The following EXTL3 variants were observed in gnomAD, a reference collection of about 807,000 sequenced individuals.
EXTL3 encodes exostosin-like 3.
In EXTL3, 27 loss-of-function variants were observed where a neutral mutation model predicts 69.3. That is an observed-to-expected ratio of 0.39 (90% CI 0.29 to 0.54). The LOEUF (loss-of-function observed/expected upper bound fraction) is 0.54. Ranked by LOEUF, EXTL3 falls within the 20% of genes least tolerant of loss-of-function variation. EXTL3 has a pLI of 0.69. For missense variants in EXTL3, 1,003 were observed against 1,231.8 expected (o/e 0.81, Z 2.78); for synonymous variants, 511 against 499.4 (o/e 1.02, Z -0.31).
chr8:28,661,951 TAAAC>T (rs1346181507), intron 1 of EXTL3, among the ~76,000 whole-genome samples: 1 of 150,798 alleles, frequency 6.6e-6, no homozygotes, highest in African/African-American at 2.4e-5. Context: ...ACATATTACA[TAAAC>T]AATATTAAAT....
chr8:28,749,531 C>T (rs922069736), intron 6 of EXTL3, among the ~76,000 whole-genome samples: 5 of 152,304 alleles, frequency 3.3e-5, no homozygotes, highest in East Asian at 3.9e-4. Flanking sequence ...GCCCCCAGCC[C>T]GCTTTGCAGG....
chr8:28,705,482 C>G (rs937262777), intron 1 of EXTL3, among the ~76,000 whole-genome samples: 1 of 150,598 alleles, frequency 6.6e-6, no homozygotes, highest in African/African-American at 2.5e-5. Flanking sequence ...CTTTGGGAGG[C>G]GGAGGTGAGA....
intron 1 of EXTL3, among the ~76,000 whole-genome samples, chr8:28,655,330 C>G (rs1563437440): frequency 6.6e-6 from 1 of 152,008 alleles, no homozygotes; most frequent in African/African-American, 2.4e-5. Context: ...ATTATTATGC[C>G]TATTTTATAA....
At chr8:28,671,431 C>A (rs1392526578) in intron 1 of EXTL3, among the ~76,000 whole-genome samples, 1 of 151,588 alleles carries the variant, frequency 6.6e-6, no homozygotes, top group Non-Finnish European at 1.5e-5. Context: ...CCTCTGCCTC[C>A]TGAGTTCAAG....
At chr8:28,732,484 A>G (rs1801558017) in intron 4 of EXTL3, among the ~76,000 whole-genome samples, 1 of 152,176 alleles carries the variant, frequency 6.6e-6, no homozygotes, top group South Asian at 2.1e-4. Flanking sequence ...AAACATCACC[A>G]TGGTTAATTT....
intron 1 of EXTL3, among the ~76,000 whole-genome samples, chr8:28,705,515 T>C (rs1800902800): frequency 6.6e-6 from 1 of 151,362 alleles, no homozygotes; most frequent in Non-Finnish European, 1.5e-5. Context: ...GTCCAGGAGT[T>C]CAAGACCAGC....
chr8:28,755,895 T>A (rs1802113845), downstream of EXTL3, among the ~76,000 whole-genome samples: 1 of 152,192 alleles, frequency 6.6e-6, no homozygotes, highest in Non-Finnish European at 1.5e-5. Context: ...CATAAATGTC[T>A]ATGTCATTTT....
At chr8:28,614,037 C>A (rs947429614) in intron 2 of EXTL3, among the ~76,000 whole-genome samples, 1 of 151,624 alleles carries the variant, frequency 6.6e-6, no homozygotes, top group South Asian at 2.1e-4. Flanking sequence ...ACGTCATGAG[C>A]CCAGGCTGGT....
chr8:28,748,225 G>C lies in EXTL3; in HGVS notation c.2551-2432G>C, dbSNP rs1013700242. Among the ~76,000 whole-genome samples the C allele has an allele frequency of 1.1e-4, 17 of 152,020 alleles. No homozygotes were observed. The East Asian group carries it at 2.3e-3, about 21-fold the overall frequency. On this transcript the variant is annotated intron_variant, in intron 6 of 6. Coordinates refer to ENST00000220562, the MANE Select transcript of EXTL3 (RefSeq NM_001440.4). ...TCTCTACTAAAAATACAAAAAATTA[G>C]CCAGGTGTGGTGGCAGGCGCCTGTA... is the stretch of plus-strand genomic sequence containing the variant.
intron 1 of EXTL3, among the ~76,000 whole-genome samples, chr8:28,658,464 C>A (rs1001400612): frequency 2.6e-5 from 4 of 152,096 alleles, no homozygotes; most frequent in Admixed American, 2.6e-4. Flanking sequence ...ATTCTATATT[C>A]TTTTTTTCCC....
At chr8:28,647,533 A>G (rs1010278041) in intron 1 of EXTL3, among the ~76,000 whole-genome samples, 3 of 152,116 alleles carry the variant, frequency 2.0e-5, no homozygotes, top group African/African-American at 7.2e-5. Flanking sequence ...CAGAGAGGTT[A>G]TGTTAAGTTC....
Position 28,743,203 on chromosome 8 carries a change from C to G in EXTL3, c.2539C>G (p.Pro847Ala). 1 of 1,614,176 alleles carries G rather than the reference C, an allele frequency of 6.2e-7. No individual in the cohort carries two copies. Among genetic ancestry groups the G allele is most frequent in the African/African-American group, 1.3e-5 (1 of 75,066 alleles). Residue 847 changes from proline to alanine, a missense_variant, in exon 6 of 7, where the codon CCC (proline) becomes GCC (alanine). Around this residue, in one of 2 missense-constraint regions of EXTL3, gnomAD observed 261 missense variants for 416.4 expected, o/e 0.63. Coordinates refer to ENST00000220562, the MANE Select transcript of EXTL3 (RefSeq NM_001440.4). ...NFLVSHITRK[P>A]PIKVTSRWTF... is the part of the protein sequence containing the mutation. ...CCTTGTCTCCCACATCACTCGGAAGCCCCCCATCAAGGTGAGGTCCCACCA... is the reference window on the plus strand; with the variant it reads ...CCTTGTCTCCCACATCACTCGGAAGGCCCCCATCAAGGTGAGGTCCCACCA...
intron 4 of EXTL3, among the ~76,000 whole-genome samples, chr8:28,733,810 A>T (rs1221052092): frequency 1.4e-5 from 2 of 143,212 alleles, no homozygotes; most frequent in Admixed American, 6.9e-5. Flanking sequence ...TTTTGTTTGG[A>T]TTGTCGTCTT....
At chr8:28,612,536 C>T (rs758082836) in intron 2 of EXTL3, among the ~76,000 whole-genome samples, 8 of 151,740 alleles carry the variant, frequency 5.3e-5, no homozygotes, top group Non-Finnish European at 1.2e-4. Flanking sequence ...TCAACTCTCC[C>T]AGTATGCTTG....
chr8:28,731,421 A>G (rs1244740781), intron 4 of EXTL3, 71 bp downstream of exon 4: 32 of 1,574,098 alleles, frequency 2.0e-5, no homozygotes, highest in Non-Finnish European at 2.7e-5. Context: ...CTGCAAAATG[A>G]ATTTTTTGGC....
At position 28,742,897 on chromosome 8, in the gene EXTL3, A is replaced by G. The variant is rs113384268; in HGVS notation, c.2422-189A>G. On this transcript the variant is annotated intron_variant, in intron 5 of 6. Transcript: ENST00000220562. Reference sequence around the variant, plus strand: ...GGGTGATGATGGCAGTTTGAATGGGATAATTCCTCACTGCAGAAGATCCAC... The same window carrying G: ...GGGTGATGATGGCAGTTTGAATGGGGTAATTCCTCACTGCAGAAGATCCAC... 677 of 667,498 alleles carry G rather than the reference A, an allele frequency of 1.0e-3. 6 individuals carry two copies. The African/African-American group carries it at 0.011, about 11-fold the overall frequency. 41.3% of individuals were successfully genotyped at this position (667,498 alleles called of 1,614,324 possible).
At chr8:28,736,957 C>T (rs973884737) in intron 4 of EXTL3, among the ~76,000 whole-genome samples, 3 of 152,140 alleles carry the variant, frequency 2.0e-5, no homozygotes, top group African/African-American at 4.8e-5. Context: ...TGTGCTCCAC[C>T]ATACCCAGCT....
chr8:28,752,406 A>G lies in EXTL3; in HGVS notation c.*1540A>G, dbSNP rs757310592. The G allele has an allele frequency of 6.6e-6, 1 of 152,642 alleles. No individual in the cohort carries two copies. The highest frequency in any genetic ancestry group is 1.9e-4 in the East Asian group (1 of 5,198). 9.5% of individuals were successfully genotyped at this position (152,642 alleles called of 1,614,324 possible). ...GCTCAGGTTTGTCCTGGTCATGCAC[A>G]TGCCTTAAGCCAGTTCCGTCTTCCC... On this transcript the variant is annotated 3_prime_UTR_variant, in exon 7 of 7. Transcript: ENST00000220562.
intron 3 of EXTL3, among the ~76,000 whole-genome samples, chr8:28,726,635 G>A (rs1302829189): frequency 6.6e-6 from 1 of 152,052 alleles, no homozygotes; most frequent in Non-Finnish European, 1.5e-5. Context: ...GGATCTGGCA[G>A]CATCCCTGGC....
Sources: gnomAD v4.1 joint callset for allele counts (sites outside exome capture counted in the v4.1 genomes callset) on GRCh38, gnomAD v4.1.1 for gene constraint, gnomAD v4.1.1 regional missense constraint, MANE v1.5 for transcripts, NCBI Gene and HGNC (gene_info 2026-07-23, HGNC 2026-07-21) for gene names.